Variants in HS1BP3 observed in about 807,000 individuals in gnomAD.
HS1BP3 encodes the protein HCLS1 binding protein 3, also known as HCLS1-binding protein 3.
Under a neutral mutation model 33.5 loss-of-function variants are expected in HS1BP3, and 32 were observed. The observed-to-expected ratio is 0.95, with a 90% CI of 0.72 to 1.28. The LOEUF is 1.28. HS1BP3 is among the 50% of genes most tolerant of loss of function. The pLI is 0.00. For synonymous variants in HS1BP3, 187 were observed against 209.2 expected (o/e 0.89, Z 0.92); for missense variants, 486 against 502.3 (o/e 0.97, Z 0.31).
chr2:20,614,535 T>C (rs914560002), downstream of HS1BP3, among the ~76,000 whole-genome samples: 1 of 152,224 alleles, frequency 6.6e-6, no homozygotes, highest in Non-Finnish European at 1.5e-5. Flanking sequence ...CCTGGTAGAA[T>C]TGGCTTTAAT....
chr2:20,570,843 T>A (rs1693248781), intron 5 of HS1BP3, among the ~76,000 whole-genome samples: 1 of 152,178 alleles, frequency 6.6e-6, no homozygotes, highest in South Asian at 2.1e-4. Flanking sequence ...CAGCAGGGTC[T>A]GTTGCATAAA....
chr2:20,646,002 C>T (rs375093722), intron 1 of HS1BP3, among the ~76,000 whole-genome samples: 7 of 152,294 alleles, frequency 4.6e-5, no homozygotes, highest in African/African-American at 1.2e-4. Flanking sequence ...TGTGACCCAC[C>T]GTGGCCCAGA....
chr2:20,571,060 T>G (rs888575902), intron 5 of HS1BP3, among the ~76,000 whole-genome samples: 1 of 152,168 alleles, frequency 6.6e-6, no homozygotes, highest in African/African-American at 2.4e-5. Flanking sequence ...AGGGTCCGGC[T>G]TCTGGGACAG....
chr2:20,613,703 C>A (rs1361554513), downstream of HS1BP3, among the ~76,000 whole-genome samples: 3 of 152,230 alleles, frequency 2.0e-5, no homozygotes, highest in Non-Finnish European at 2.9e-5. Context: ...TGGGTGTCTA[C>A]ACACACAACT....
chr2:20,631,475 C>T (rs2149296002), intron 4 of HS1BP3, among the ~76,000 whole-genome samples: 1 of 131,482 alleles, frequency 7.6e-6, no homozygotes, highest in Non-Finnish European at 1.6e-5. Context: ...AGATCACACA[C>T]CACTATACTC....
chr2:20,583,697 G>A (rs1214540543), intron 5 of HS1BP3, among the ~76,000 whole-genome samples: 1 of 152,192 alleles, frequency 6.6e-6, no homozygotes, highest in African/African-American at 2.4e-5. Context: ...CCGTCCCTGT[G>A]AGTCCCCCAG....
chr2:20,650,678 C>G (rs1695666535), intron 1 of HS1BP3, among the ~76,000 whole-genome samples: 1 of 152,184 alleles, frequency 6.6e-6, no homozygotes, highest in Non-Finnish European at 1.5e-5. Context: ...TCAGGGAGCT[C>G]TGAAAGGATG....
intron 5 of HS1BP3, among the ~76,000 whole-genome samples, chr2:20,567,364 G>C (rs1414109882): frequency 6.6e-6 from 1 of 152,216 alleles, no homozygotes; most frequent in Non-Finnish European, 1.5e-5. Context: ...ATTCCTACTG[G>C]GCTGCCTGAG....
intron 5 of HS1BP3, among the ~76,000 whole-genome samples, chr2:20,575,608 C>T (rs1415806724): frequency 6.6e-6 from 1 of 152,254 alleles, no homozygotes; most frequent in Non-Finnish European, 1.5e-5. Flanking sequence ...AGGAGCCAGG[C>T]ACTGGGGAGA....
At chr2:20,631,172 C>T (rs1281235231) in intron 4 of HS1BP3, among the ~76,000 whole-genome samples, 3 of 152,090 alleles carry the variant, frequency 2.0e-5, no homozygotes, top group African/African-American at 7.2e-5. Context: ...GATGTCTAGG[C>T]TCACTTATGC....
intron 5 of HS1BP3, among the ~76,000 whole-genome samples, chr2:20,570,003 T>A (rs570213757): frequency 1.1e-4 from 17 of 152,328 alleles, no homozygotes; most frequent in African/African-American, 4.1e-4. Context: ...TTTTCTGGCC[T>A]CAGCCTGAGA....
downstream of HS1BP3, among the ~76,000 whole-genome samples, chr2:20,557,102 T>C (rs1353802259): frequency 2.0e-5 from 3 of 152,232 alleles, no homozygotes; most frequent in Admixed American, 1.3e-4. Context: ...AGTTGTAGAA[T>C]TGAAGGTTCA....
At chr2:20,622,328 A>C in intron 6 of HS1BP3, 2 of 1,300,254 alleles carry the variant, frequency 1.5e-6, no homozygotes, top group Non-Finnish European at 2.0e-6. Flanking sequence ...GTCTGAATTT[A>C]AAAAAAAGAA....
Position 20,611,172 on chromosome 2 carries a change from C to T in HS1BP3, c.178+12724G>A, listed in dbSNP as rs368677730. ...CACAGCATTCCGCTGCATCCATGTGCCACTGTTTGCTTGTTCATTGACCGT... is the reference window on the plus strand; with the variant it reads ...CACAGCATTCCGCTGCATCCATGTGTCACTGTTTGCTTGTTCATTGACCGT... On this transcript the variant is annotated intron_variant, in intron 2 of 3. Coordinates refer to the HS1BP3 transcript ENST00000415264. This position sits in a 1 kb window ranked among gnomAD's most constrained non-coding sequence, Gnocchi z 4.9. Among the ~76,000 whole-genome samples, 2 of 152,338 alleles carry T rather than the reference C, an allele frequency of 1.3e-5. No individual in the cohort carries two copies. Among genetic ancestry groups the T allele is most frequent in the South Asian group, 2.1e-4 (1 of 4,824 alleles).
At chr2:20,612,883 C>T (rs1161620776), downstream of HS1BP3, among the ~76,000 whole-genome samples, 2 of 152,152 alleles carry the variant, frequency 1.3e-5, no homozygotes, top group African/African-American at 4.8e-5. Flanking sequence ...GTTGTAAAAA[C>T]TGCTAAATCT....
chr2:20,576,761 T>G (rs1032236174), intron 5 of HS1BP3, among the ~76,000 whole-genome samples: 1 of 152,042 alleles, frequency 6.6e-6, no homozygotes, highest in South Asian at 2.1e-4. Context: ...CCTGTCACAC[T>G]GAGTCTACAC....
At chr2:20,614,886 C>T (rs1433105873), downstream of HS1BP3, among the ~76,000 whole-genome samples, 1 of 152,230 alleles carries the variant, frequency 6.6e-6, no homozygotes, top group Non-Finnish European at 1.5e-5. Context: ...TTGGCTCTTC[C>T]CAGTAGCCAG....
At chr2:20,622,463 G>C (rs1440734230) in intron 6 of HS1BP3, 28 of 455,174 alleles carry the variant, frequency 6.2e-5, no homozygotes, top group Non-Finnish European at 1.1e-4. Flanking sequence ...CAGAGTGGGG[G>C]GCCCAGGGAT....
At chr2:20,576,997 G>C (rs1693416164) in intron 5 of HS1BP3, among the ~76,000 whole-genome samples, 1 of 152,176 alleles carries the variant, frequency 6.6e-6, no homozygotes, top group South Asian at 2.1e-4. Context: ...GATGGTTCCT[G>C]GGAATGCCCT....
Sources: allele counts gnomAD v4.1 joint callset (sites outside exome capture counted in the v4.1 genomes callset), GRCh38; gene constraint gnomAD v4.1.1; non-coding constraint Gnocchi (gnomAD v3.1); transcripts MANE v1.5; gene names NCBI Gene and HGNC (gene_info 2026-07-23, HGNC 2026-07-21).